TMEM132B: variants seen among roughly 807,000 people sequenced by gnomAD.
TMEM132B encodes the protein transmembrane protein 132B.
In TMEM132B, 18 loss-of-function variants were observed where a neutral mutation model predicts 90.8. That is an observed-to-expected ratio of 0.20 (90% CI 0.14 to 0.29). The LOEUF (loss-of-function observed/expected upper bound fraction) is 0.29. Among genes scored for constraint, TMEM132B ranks in the 10% least tolerant of loss-of-function variants. The pLI, the probability that TMEM132B is intolerant of heterozygous loss-of-function variation, is 1.00. For missense variants in TMEM132B, 1,096 were observed against 1,326.8 expected, an observed-to-expected ratio of 0.83 and a Z score of 2.70; for synonymous variants, 504 against 523.3, an observed-to-expected ratio of 0.96 and a Z score of 0.50.
Position 125,242,218 on chromosome 12 carries a change from A to G in TMEM132B, c.67+55352A>G, listed in dbSNP as rs1874087270. Among the ~76,000 whole-genome samples, 4 of 152,140 alleles carry G rather than the reference A, an allele frequency of 2.6e-5. No individual in the cohort carries two copies. In the South Asian group the frequency reaches 8.3e-4, roughly 32 times the overall value. On this transcript the variant is annotated intron_variant, in intron 1 of 8. Coordinates refer to ENST00000682704, the MANE Select transcript of TMEM132B (RefSeq NM_001366854.1). ...CAGGCTGGAGTTTAGTGGTGTGATC[A>G]TAGCTCACTGTAGCCTCAACCTCCT...
intron 3 of TMEM132B, among the ~76,000 whole-genome samples, chr12:125,485,840 A>G (rs1241320530): frequency 6.6e-6 from 1 of 152,200 alleles, no homozygotes; most frequent in Non-Finnish European, 1.5e-5. Flanking sequence ...AATGACATTA[A>G]GCTTTTGTTT....
chr12:125,295,318 T>G (rs1387424032), intron 1 of TMEM132B, among the ~76,000 whole-genome samples: 2 of 152,080 alleles, frequency 1.3e-5, no homozygotes, highest in Non-Finnish European at 2.9e-5. Flanking sequence ...TATGAGATGT[T>G]CGAGGGAAGG....
At chr12:125,199,724 G>T (rs1873012697) in intron 1 of TMEM132B, among the ~76,000 whole-genome samples, 2 of 152,230 alleles carry the variant, frequency 1.3e-5, no homozygotes, top group Admixed American at 1.3e-4. Flanking sequence ...CCATTTCAAG[G>T]TTGTGATTTT....
intron 5 of TMEM132B, among the ~76,000 whole-genome samples, chr12:125,607,635 A>G (rs1885729244): frequency 6.6e-6 from 1 of 152,244 alleles, no homozygotes; most frequent in Admixed American, 6.5e-5. Context: ...ATGGACTGTC[A>G]TCAAGAGTTT....
At chr12:125,554,302 G>A (rs1184573769) in intron 4 of TMEM132B, among the ~76,000 whole-genome samples, 1 of 151,418 alleles carries the variant, frequency 6.6e-6, no homozygotes. Context: ...GTGGGCGCCT[G>A]TAGTCCCAGC....
Position 125,359,081 on chromosome 12 carries a change from C to T in TMEM132B, c.959+8738C>T, listed in dbSNP as rs149814057. ...GACTCCGTAATGATGTGCAGCTCTC[C>T]GGAAGGATGCTTTAAAGACAAAACA... On this transcript the variant is annotated intron_variant, in intron 2 of 8. Coordinates refer to ENST00000682704, the MANE Select transcript of TMEM132B (RefSeq NM_001366854.1). 2.2e-4 allele frequency among the ~76,000 whole-genome samples: 34 copies of T among 152,278 alleles called. 1 individual carries two copies. Among genetic ancestry groups the T allele is most frequent in the African/African-American group, 6.3e-4 (26 of 41,538 alleles).
chr12:125,598,533 A>G (rs1885496926), intron 5 of TMEM132B, among the ~76,000 whole-genome samples: 1 of 152,238 alleles, frequency 6.6e-6, no homozygotes, highest in Non-Finnish European at 1.5e-5. Flanking sequence ...AGTTGGGGCT[A>G]ATAGCCCCAA....
At chr12:125,298,760 GTC>G (rs1157137364) in intron 1 of TMEM132B, among the ~76,000 whole-genome samples, 1 of 149,916 alleles carries the variant, frequency 6.7e-6, no homozygotes, top group Non-Finnish European at 1.5e-5. Context: ...TTGAGACGGG[GTC>G]TCTCTCTGTC....
Position 125,415,642 on chromosome 12 carries a change from C to G in TMEM132B, c.1071C>G (p.Leu357=). The G allele has an allele frequency of 6.2e-7, 1 of 1,614,200 alleles. No individual in the cohort carries two copies. The highest frequency in any genetic ancestry group is 8.5e-7 in the Non-Finnish European group (1 of 1,180,028). Residue 357 remains leucine (L), a synonymous_variant, in exon 3 of 9, where the codon CTC becomes CTG. Coordinates refer to ENST00000682704, the MANE Select transcript of TMEM132B (RefSeq NM_001366854.1). The surrounding 1 kb of genome is among the most constrained non-coding windows in gnomAD (Gnocchi z 5.3). ...GCAGCACTCAGACGTCGGCCACCCTCACCTGCATGGGCCATCGCCCGGACA... is the reference window on the plus strand; with the variant it reads ...GCAGCACTCAGACGTCGGCCACCCTGACCTGCATGGGCCATCGCCCGGACA... ...DNGSTQTSAT[L]TCMGHRPDTQ...
chr12:125,242,757 A>C (rs1305666362), intron 1 of TMEM132B, among the ~76,000 whole-genome samples: 2 of 152,174 alleles, frequency 1.3e-5, no homozygotes, highest in South Asian at 4.1e-4. Context: ...GGGTGCTGCC[A>C]AGCAGCAGTT....
intron 1 of TMEM132B, among the ~76,000 whole-genome samples, chr12:125,324,692 C>T (rs80317235): frequency 1.5e-4 from 23 of 152,298 alleles, no homozygotes; most frequent in East Asian, 1.2e-3. Context: ...CCCCTTATGA[C>T]GTGAAACAGT....
chr12:125,535,468 C>T (rs1362952062), intron 4 of TMEM132B, among the ~76,000 whole-genome samples: 1 of 152,156 alleles, frequency 6.6e-6, no homozygotes, highest in African/African-American at 2.4e-5. Flanking sequence ...TGTGCCAGCA[C>T]CTGATGAAGG....
Position 125,362,199 on chromosome 12 carries a change from C to T in TMEM132B, c.959+11856C>T, listed in dbSNP as rs995441219. On this transcript the variant is annotated intron_variant, in intron 2 of 8. Transcript: ENST00000682704. ...CTGACCTTGACACCCAGCATCAAGACCCTCCTTTCCTTCTCCTGCTCAGCG... is the reference window on the plus strand; with the variant it reads ...CTGACCTTGACACCCAGCATCAAGATCCTCCTTTCCTTCTCCTGCTCAGCG... Among the ~76,000 whole-genome samples the T allele has an allele frequency of 1.5e-4, 23 of 152,186 alleles. 1 individual carries two copies. Among genetic ancestry groups the T allele is most frequent in the Admixed American group, 1.2e-3 (19 of 15,290 alleles).
intron 4 of TMEM132B, among the ~76,000 whole-genome samples, chr12:125,535,207 A>C (rs1306432159): frequency 1.3e-5 from 2 of 152,200 alleles, no homozygotes; most frequent in Non-Finnish European, 2.9e-5. Context: ...TCACTTCATC[A>C]GTTACCGCCA....
chr12:125,418,622 C>T (rs11829232), intron 3 of TMEM132B, among the ~76,000 whole-genome samples: 4,693 of 152,178 alleles, frequency 0.031, 227 homozygotes, highest in African/African-American at 0.11. Context: ...CAACAAAACA[C>T]CCTGCAAAAT....
chr12:125,384,536 G>C (rs1878772748), intron 2 of TMEM132B, among the ~76,000 whole-genome samples: 1 of 152,114 alleles, frequency 6.6e-6, no homozygotes, highest in African/African-American at 2.4e-5. Flanking sequence ...TTTGTGGTAA[G>C]AATATTTAAA....
chr12:125,426,922 A>G (rs1457459570), intron 3 of TMEM132B, among the ~76,000 whole-genome samples: 1 of 152,232 alleles, frequency 6.6e-6, no homozygotes, highest in Non-Finnish European at 1.5e-5. Context: ...AAGAGAACAC[A>G]ATGGGTTCCG....
At chr12:125,617,872 T>G (rs1000006889) in intron 5 of TMEM132B, among the ~76,000 whole-genome samples, 8 of 152,038 alleles carry the variant, frequency 5.3e-5, no homozygotes, top group Non-Finnish European at 8.8e-5. Context: ...TTTATCTGAT[T>G]CTTTCTGGGA....
At chr12:125,587,927 T>G (rs1885218105) in intron 5 of TMEM132B, 1 of 152,066 alleles carries the variant, frequency 6.6e-6, no homozygotes, top group Non-Finnish European at 1.5e-5. Context: ...GAAGGAAGTG[T>G]GAGTGTTAAG....
Sources: gnomAD v4.1 joint callset for allele counts (sites outside exome capture counted in the v4.1 genomes callset) on GRCh38, gnomAD v4.1.1 for gene constraint, Gnocchi (gnomAD v3.1) non-coding constraint, MANE v1.5 for transcripts, NCBI Gene and HGNC (gene_info 2026-07-23, HGNC 2026-07-21) for gene names.